The following FER variants were observed in gnomAD, a reference collection of about 807,000 sequenced individuals.
The protein encoded by FER is FER tyrosine kinase.
In FER, 63 loss-of-function variants were observed where a neutral mutation model predicts 111.0. The ratio of observed to expected loss-of-function variants is 0.57; its 90% CI spans 0.46 to 0.70. The LOEUF is 0.70. FER is among the 30% of genes least tolerant of loss of function. FER has a pLI of 0.00. For synonymous variants in FER, 327 were observed against 313.9 expected, an observed-to-expected ratio of 1.04 and a Z score of -0.44; for missense variants, 914 against 954.0, an observed-to-expected ratio of 0.96 and a Z score of 0.55.
chr5:108,821,470 TTATTA>T (rs1303689660), intron 3 of FER, among the ~76,000 whole-genome samples: 3 of 152,158 alleles, frequency 2.0e-5, no homozygotes, highest in Non-Finnish European at 4.4e-5. Context: ...TTTTTGAAAA[TTATTA>T]TATTATCACT....
At chr5:109,035,097 A>G (rs58255942) in intron 13 of FER, among the ~76,000 whole-genome samples, 27,410 of 146,106 alleles carry the variant, frequency 0.19, 2,685 homozygotes, top group Non-Finnish European at 0.22. Flanking sequence ...GCAGTGGCGC[A>G]ATCTTGGCTC....
chr5:108,943,396 C>T (rs1266039793), intron 10 of FER, among the ~76,000 whole-genome samples: 1 of 152,186 alleles, frequency 6.6e-6, no homozygotes, highest in East Asian at 1.9e-4. Flanking sequence ...ACTTCAAGAA[C>T]CTTATTCCTT....
chr5:108,876,271 A>G (rs2150260384), intron 8 of FER, among the ~76,000 whole-genome samples: 1 of 152,352 alleles, frequency 6.6e-6, no homozygotes, highest in Non-Finnish European at 1.5e-5. Context: ...ATGTTTAAAT[A>G]TCAGAGTACG....
chr5:108,933,840 C>T (rs978713202), intron 10 of FER, among the ~76,000 whole-genome samples: 18 of 152,012 alleles, frequency 1.2e-4, no homozygotes, highest in African/African-American at 3.1e-4. Context: ...AGTTGTATTC[C>T]TAGATATTTT....
At chr5:109,077,136 C>T (rs924080947) in intron 16 of FER, among the ~76,000 whole-genome samples, 6 of 152,146 alleles carry the variant, frequency 3.9e-5, no homozygotes, top group African/African-American at 7.2e-5. Context: ...AATGAAACTG[C>T]GTAGTGTCGA....
At chr5:108,793,194 T>A (rs1456766564) in intron 2 of FER, among the ~76,000 whole-genome samples, 1 of 152,206 alleles carries the variant, frequency 6.6e-6, no homozygotes, top group Non-Finnish European at 1.5e-5. Flanking sequence ...GTTGTAACCA[T>A]CCTTCTACTC....
intron 3 of FER, among the ~76,000 whole-genome samples, chr5:108,831,773 T>G (rs1421735281): frequency 6.6e-6 from 1 of 152,246 alleles, no homozygotes; most frequent in Non-Finnish European, 1.5e-5. Context: ...TTTGATTACA[T>G]TGGAATATTA....
chr5:109,144,918 T>C (rs534590142), intron 17 of FER, among the ~76,000 whole-genome samples: 2 of 152,242 alleles, frequency 1.3e-5, no homozygotes, highest in South Asian at 4.1e-4. Context: ...TCCTCCCATC[T>C]ATGAAGAATC....
At chr5:108,751,397 C>T (rs1750493293) in intron 1 of FER, among the ~76,000 whole-genome samples, 1 of 152,168 alleles carries the variant, frequency 6.6e-6, no homozygotes, top group African/African-American at 2.4e-5. Flanking sequence ...GGTAGGAAGT[C>T]ATCATCTTTG....
chr5:108,912,995 G>C (rs2150362182), intron 10 of FER, among the ~76,000 whole-genome samples: 1 of 152,212 alleles, frequency 6.6e-6, no homozygotes, highest in Admixed American at 6.6e-5. Flanking sequence ...TTGGGTATAA[G>C]AATCATTTAT....
intron 2 of FER, among the ~76,000 whole-genome samples, chr5:108,790,541 A>G (rs1241724877): frequency 6.6e-6 from 1 of 152,174 alleles, no homozygotes; most frequent in Non-Finnish European, 1.5e-5. Flanking sequence ...GTACCAAATA[A>G]ATTCTACCAT....
chr5:108,844,543 T>A (rs1283833545), intron 5 of FER, among the ~76,000 whole-genome samples: 1 of 152,148 alleles, frequency 6.6e-6, no homozygotes, highest in African/African-American at 2.4e-5. Context: ...TTTTGATAAA[T>A]TTTGACATAT....
chr5:108,818,069 T>C (rs1454749791), intron 3 of FER: 1 of 152,170 alleles, frequency 6.6e-6, no homozygotes, highest in Admixed American at 6.5e-5. Flanking sequence ...AGGTGATGTG[T>C]TTATTTCTAG....
At chr5:108,902,181 G>T (rs1750128313) in intron 10 of FER, among the ~76,000 whole-genome samples, 1 of 151,886 alleles carries the variant, frequency 6.6e-6, no homozygotes, top group African/African-American at 2.4e-5. Flanking sequence ...CTATTAAAGA[G>T]GAAAAAAACG....
At chr5:108,821,765 T>C (rs1254818673) in intron 3 of FER, among the ~76,000 whole-genome samples, 1 of 152,024 alleles carries the variant, frequency 6.6e-6, no homozygotes, top group African/African-American at 2.4e-5. Context: ...GTATACCTTG[T>C]AATATTTTGA....
rs80333111 is a variant in FER at position 109,194,024 on chromosome 5, C to A, written c.*6449C>A. 2.0e-5 allele frequency: 3 copies of A among 152,166 alleles called. No individual in the cohort carries two copies. Among genetic ancestry groups the A allele is most frequent in the Non-Finnish European group, 4.4e-5 (3 of 68,034 alleles). 9.4% of individuals were successfully genotyped at this position (152,166 alleles called of 1,614,324 possible). On this transcript the variant is annotated 3_prime_UTR_variant, in exon 20 of 20. Transcript: ENST00000281092. ...AGAAGCTCTTGAGAGATTTTCCTAA[C>A]GCAGCAAGATTTCTGTGAGTAGAGG... is the stretch of plus-strand genomic sequence containing the variant.
chr5:109,093,176 T>C (rs1307461775), intron 16 of FER, among the ~76,000 whole-genome samples: 1 of 152,202 alleles, frequency 6.6e-6, no homozygotes, highest in African/African-American at 2.4e-5. Context: ...AGAGATGTGT[T>C]GTACAACAAT....
chr5:109,184,995 A>C (rs1265737392), intron 18 of FER, among the ~76,000 whole-genome samples: 1 of 152,232 alleles, frequency 6.6e-6, no homozygotes. Context: ...GAAATCTTTA[A>C]CACCACTGTA....
At chr5:109,141,288 A>C (rs1183225929) in intron 17 of FER, among the ~76,000 whole-genome samples, 1 of 152,226 alleles carries the variant, frequency 6.6e-6, no homozygotes, top group Non-Finnish European at 1.5e-5. Flanking sequence ...CTGAAATATT[A>C]GGAATAAGAA....
Sources: gnomAD v4.1 joint callset for allele counts (sites outside exome capture counted in the v4.1 genomes callset) on GRCh38, gnomAD v4.1.1 for gene constraint, MANE v1.5 for transcripts, NCBI Gene and HGNC (gene_info 2026-07-23, HGNC 2026-07-21) for gene names.